The following ADGRB3 variants were observed in gnomAD, a reference collection of about 807,000 sequenced individuals.
The protein encoded by ADGRB3 is adhesion G protein-coupled receptor B3.
ADGRB3 carries 37 observed loss-of-function variants against 193.4 expected under a neutral mutation model. The observed-to-expected ratio is 0.19, with a 90% CI of 0.15 to 0.25. The LOEUF (loss-of-function observed/expected upper bound fraction) is 0.25. ADGRB3 is among the 10% of genes least tolerant of loss of function. The probability of loss-of-function intolerance (pLI) is 1.00; values close to 1 mark genes in which losing one functional copy is unlikely to be tolerated. For synonymous variants in ADGRB3, 690 were observed against 644.2 expected (o/e 1.07, Z -1.08); for missense variants, 1,637 against 1,852.9 (o/e 0.88, Z 2.14).
At chr6:68,841,699 C>G (rs2127387570) in intron 3 of ADGRB3, among the ~76,000 whole-genome samples, 1 of 151,992 alleles carries the variant, frequency 6.6e-6, no homozygotes, top group Non-Finnish European at 1.5e-5. Context: ...TCTTGAAGAA[C>G]TAGGAGAGGA....
chr6:69,112,266 C>T (rs949841681), intron 17 of ADGRB3, among the ~76,000 whole-genome samples: 2 of 152,118 alleles, frequency 1.3e-5, no homozygotes, highest in Non-Finnish European at 2.9e-5. Context: ...TTCCACCTGT[C>T]ACCCTTTGCC....
At chr6:69,031,059 C>T (rs1562128922) in intron 13 of ADGRB3, among the ~76,000 whole-genome samples, 6,601 of 41,032 alleles carry the variant, frequency 0.16, 1,432 homozygotes, top group Middle Eastern at 0.44. Flanking sequence ...CTCTTCTCTT[C>T]TCTTCTCTTC....
intron 6 of ADGRB3, among the ~76,000 whole-genome samples, chr6:68,946,845 T>G (rs1767787731): frequency 6.6e-6 from 1 of 152,138 alleles, no homozygotes; most frequent in South Asian, 2.1e-4. Context: ...AGACACTATG[T>G]AGGAATGACA....
At chr6:68,816,155 T>G (rs770659712) in intron 3 of ADGRB3, among the ~76,000 whole-genome samples, 98 of 152,184 alleles carry the variant, frequency 6.4e-4, no homozygotes, top group Admixed American at 1.9e-3. Flanking sequence ...ATTTCAAATT[T>G]AAAAATAAAT....
At chr6:69,072,165 G>A (rs1035415710) in intron 16 of ADGRB3, among the ~76,000 whole-genome samples, 1 of 151,854 alleles carries the variant, frequency 6.6e-6, no homozygotes, top group African/African-American at 2.4e-5. Context: ...TCAAATGTTC[G>A]AACTATTGAC....
Position 68,811,725 on chromosome 6 carries a change from C to T in ADGRB3, c.758-118834C>T, listed in dbSNP as rs535462721. Reference sequence around the variant, plus strand: ...TCTCAAATGATCCACCCGCTTTGGGCTCTCAGAGTGCTGGGATTACAGGCA... The same window carrying T: ...TCTCAAATGATCCACCCGCTTTGGGTTCTCAGAGTGCTGGGATTACAGGCA... On this transcript the variant is annotated intron_variant, in intron 3 of 31. Coordinates refer to ENST00000370598, the MANE Select transcript of ADGRB3 (RefSeq NM_001704.3). 1.4e-4 allele frequency among the ~76,000 whole-genome samples: 21 copies of T among 152,232 alleles called. No individual in the cohort carries two copies. In the East Asian group the frequency reaches 3.9e-3, roughly 28 times the overall value.
At chr6:69,350,592 G>A (rs1428806769) in intron 26 of ADGRB3, among the ~76,000 whole-genome samples, 1 of 151,902 alleles carries the variant, frequency 6.6e-6, no homozygotes, top group Non-Finnish European at 1.5e-5. Context: ...AGAACTCAAA[G>A]ATGCAATGAT....
intron 3 of ADGRB3, among the ~76,000 whole-genome samples, chr6:68,839,652 C>T (rs1768113378): frequency 6.6e-6 from 1 of 152,122 alleles, no homozygotes; most frequent in African/African-American, 2.4e-5. Flanking sequence ...GAAAGATAGC[C>T]AAACAAAAGC....
intron 3 of ADGRB3, among the ~76,000 whole-genome samples, chr6:68,908,441 A>G (rs1766610073): frequency 6.6e-6 from 1 of 152,002 alleles, no homozygotes; most frequent in Admixed American, 6.6e-5. Context: ...TACTTTCACT[A>G]TTCCTCTTCA....
chr6:68,936,845 T>G (rs1767498192), intron 5 of ADGRB3, among the ~76,000 whole-genome samples, 165 bp downstream of exon 5: 1 of 152,256 alleles, frequency 6.6e-6, no homozygotes, highest in Admixed American at 6.5e-5. Flanking sequence ...TGTGATTATT[T>G]CTGCTTTTAA....
At chr6:69,223,763 C>T (rs1051842605) in intron 17 of ADGRB3, among the ~76,000 whole-genome samples, 17 of 145,662 alleles carry the variant, frequency 1.2e-4, no homozygotes, top group African/African-American at 4.1e-4. Context: ...TTCAAGCGAT[C>T]TTTCTACATT....
intron 22 of ADGRB3, among the ~76,000 whole-genome samples, chr6:69,328,418 G>A (rs1448197423): frequency 6.6e-6 from 1 of 152,142 alleles, no homozygotes; most frequent in Non-Finnish European, 1.5e-5. Context: ...TATGATATCA[G>A]CTTATTTTAT....
Position 68,769,187 on chromosome 6 carries a change from G to C in ADGRB3, c.757+129755G>C, listed in dbSNP as rs113570144. On this transcript the variant is annotated intron_variant, in intron 3 of 31. Coordinates refer to ENST00000370598, the MANE Select transcript of ADGRB3 (RefSeq NM_001704.3). ...CATTTGAACCAGCAGTCCCATCACT[G>C]GGTATGCACCCAAAGGATGATAAAT... Among the ~76,000 whole-genome samples, 1,454 of 152,272 alleles carry C rather than the reference G, an allele frequency of 9.5e-3. 14 individuals carry two copies. The highest frequency in any genetic ancestry group is 0.031 in the African/African-American group (1,282 of 41,562).
At chr6:69,009,804 C>T (rs549649172) in intron 11 of ADGRB3, among the ~76,000 whole-genome samples, 1 of 152,220 alleles carries the variant, frequency 6.6e-6, no homozygotes, top group South Asian at 2.1e-4. Context: ...CACTTTGCTA[C>T]TGGTTAAGAT....
chr6:68,929,021 A>G (rs920065447), intron 3 of ADGRB3, among the ~76,000 whole-genome samples: 1 of 152,288 alleles, frequency 6.6e-6, no homozygotes, highest in South Asian at 2.1e-4. Context: ...GTGATTAGAT[A>G]CTTCTTATGG....
rs1203379592 is a variant in ADGRB3 at position 69,279,107 on chromosome 6, A to G, written c.2814+39881A>G. 4.4e-5 allele frequency among the ~76,000 whole-genome samples: 6 copies of G among 136,744 alleles called. 1 individual carries two copies. The highest frequency in any genetic ancestry group is 1.6e-4 in the African/African-American group (6 of 36,816). 89.7% of individuals were successfully genotyped at this position (136,744 alleles called of 152,430 possible). A position where few individuals can be genotyped will look rare whatever the true frequency, so the allele number is the denominator to read the frequency against. On this transcript the variant is annotated intron_variant, in intron 20 of 31. Transcript: ENST00000370598. ...TATATATATATATATATATATATAT[A>G]TATATATATATATGCTCCTCAACTT...
At chr6:68,765,155 T>C (rs1203329013) in intron 3 of ADGRB3, among the ~76,000 whole-genome samples, 1 of 152,172 alleles carries the variant, frequency 6.6e-6, no homozygotes, top group Non-Finnish European at 1.5e-5. Context: ...ATGACTTTTA[T>C]GTTCTTTCTT....
At chr6:68,739,656 G>A (rs1364368436) in intron 3 of ADGRB3, among the ~76,000 whole-genome samples, 2 of 152,230 alleles carry the variant, frequency 1.3e-5, no homozygotes, top group South Asian at 4.2e-4. Context: ...AGGTGTTTAA[G>A]ATATGGAAAG....
chr6:69,101,592 T>C (rs1773057511), intron 17 of ADGRB3, among the ~76,000 whole-genome samples: 1 of 152,086 alleles, frequency 6.6e-6, no homozygotes, highest in Admixed American at 6.6e-5. Flanking sequence ...CTTATAAAAA[T>C]AGACTGTGAA....
Sources: gnomAD v4.1 joint callset for allele counts (sites outside exome capture counted in the v4.1 genomes callset) on GRCh38, gnomAD v4.1.1 for gene constraint, MANE v1.5 for transcripts, NCBI Gene and HGNC (gene_info 2026-07-23, HGNC 2026-07-21) for gene names.